C11orf65: variants seen among roughly 807,000 people sequenced by gnomAD.
The protein encoded by C11orf65 is chromosome 11 open reading frame 65, also known as protein MFI.
In C11orf65, 38 loss-of-function variants were observed where a neutral mutation model predicts 35.3. The observed-to-expected ratio is 1.08, with a 90% CI of 0.83 to 1.41. The LOEUF is 1.41. Ranked by LOEUF, C11orf65 falls within the 40% of genes most tolerant of loss-of-function variation. C11orf65 has a pLI of 0.00. For missense variants in C11orf65, 370 were observed against 367.1 expected (o/e 1.01, Z -0.06); for synonymous variants, 105 against 114.4 (o/e 0.92, Z 0.53).
intron 6 of C11orf65, among the ~76,000 whole-genome samples, chr11:108,323,656 G>A (rs916869995): frequency 7.2e-5 from 11 of 152,030 alleles, no homozygotes; most frequent in East Asian, 3.9e-4. Flanking sequence ...AATATCACAC[G>A]TACCTCATAA....
chr11:108,407,394 C>A (rs1415535478), intron 3 of C11orf65, among the ~76,000 whole-genome samples: 1 of 151,406 alleles, frequency 6.6e-6, no homozygotes, highest in African/African-American at 2.4e-5. Flanking sequence ...TCACTGCAGC[C>A]TTAACCTCCT....
intron 6 of C11orf65, chr11:108,310,151 T>C (rs1245118555): frequency 6.2e-7 from 1 of 1,611,738 alleles, no homozygotes; most frequent in Non-Finnish European, 8.5e-7. Flanking sequence ...ATATCTCATT[T>C]TTCTTTAGAC....
intron 2 of C11orf65, among the ~76,000 whole-genome samples, chr11:108,341,366 A>T (rs227072): frequency 2.6e-5 from 4 of 151,734 alleles, no homozygotes; most frequent in South Asian, 4.2e-4. Context: ...TTTAAACTTA[A>T]GTTTTGTTCT....
At chr11:108,367,626 T>C (rs2091402770) in intron 2 of C11orf65, 1 of 208,854 alleles carries the variant, frequency 4.8e-6, no homozygotes, top group Admixed American at 5.9e-5. Context: ...ATTTGGACCT[T>C]GAAGGTTATA....
chr11:108,385,362 G>T (rs530510570), intron 8 of C11orf65, among the ~76,000 whole-genome samples: 1 of 152,154 alleles, frequency 6.6e-6, no homozygotes, highest in African/African-American at 2.4e-5. Flanking sequence ...GTGTGCCACT[G>T]TGCCTGACCA....
chr11:108,431,754 G>T lies in C11orf65; in HGVS notation c.166C>A (p.Pro56Thr). The change falls in exon 3 of 9, where the codon CCC becomes ACC. Residue 56 changes from proline (P) to threonine (T), a missense_variant. Transcript: ENST00000393084. ...ATAAGTAATGTCCTTACCTCTTTGG[G>T]ATTAATATATTTCACTATCTGACGT... Reference protein sequence around the residue: ...EPRQIVKYINPKEAELLDAAA... With the variant: ...EPRQIVKYINTKEAELLDAAA... The T allele has an allele frequency of 6.8e-7, 1 of 1,477,138 alleles. No homozygotes were observed. The highest frequency in any genetic ancestry group is 9.2e-7 in the Non-Finnish European group (1 of 1,087,530). The allele number at this position is 1,477,138 out of a possible 1,614,324, so 91.5% of individuals were successfully genotyped here. A position where few individuals can be genotyped will look rare whatever the true frequency, so the allele number is the denominator to read the frequency against.
At chr11:108,328,126 C>A (rs4988113), downstream of C11orf65, among the ~76,000 whole-genome samples, 108 of 152,330 alleles carry the variant, frequency 7.1e-4, 3 homozygotes, top group South Asian at 0.012. Flanking sequence ...GTAAAGGCTT[C>A]AATATACTAG....
At chr11:108,422,902 C>T (rs1024584432) in intron 3 of C11orf65, among the ~76,000 whole-genome samples, 1 of 151,318 alleles carries the variant, frequency 6.6e-6, no homozygotes, top group African/African-American at 2.4e-5. Context: ...AAAAAGCTGG[C>T]CTGTACCTCA....
At chr11:108,346,538 C>T (rs73545033) in intron 2 of C11orf65, 1,598 of 151,556 alleles carry the variant, frequency 0.011, 20 homozygotes, top group African/African-American at 0.036. Flanking sequence ...CCCTCCATCA[C>T]TTACATACTA....
chr11:108,398,431 G>A (rs1223331410), intron 6 of C11orf65, among the ~76,000 whole-genome samples: 1 of 152,162 alleles, frequency 6.6e-6, no homozygotes, highest in African/African-American at 2.4e-5. Context: ...GAAATACTGA[G>A]AAGAAACAAC....
chr11:108,367,835 T>C (rs2091414328), intron 2 of C11orf65: 1 of 208,590 alleles, frequency 4.8e-6, no homozygotes. Context: ...CCTTGGTGTA[T>C]CTTTTTCTTA....
intron 2 of C11orf65, among the ~76,000 whole-genome samples, chr11:108,357,600 C>A (rs1363753355): frequency 1.3e-5 from 2 of 152,156 alleles, no homozygotes; most frequent in African/African-American, 4.8e-5. Flanking sequence ...GGAGATCGGA[C>A]AACAGGCAGA....
At chr11:108,339,698 TTCTG>T (rs1288543824) in intron 2 of C11orf65, among the ~76,000 whole-genome samples, 2 of 152,262 alleles carry the variant, frequency 1.3e-5, no homozygotes, top group Non-Finnish European at 1.5e-5. Flanking sequence ...ACCCATTCCT[TTCTG>T]TATCAATCTC....
At chr11:108,342,377 G>T (rs1016791409) in intron 2 of C11orf65, among the ~76,000 whole-genome samples, 1 of 152,130 alleles carries the variant, frequency 6.6e-6, no homozygotes, top group Non-Finnish European at 1.5e-5. Flanking sequence ...ACATAGTTAG[G>T]ATAAAATAGT....
In C11orf65 at chr11:108,336,256, A is replaced by T. The variant is rs989183758; in HGVS notation, c.227-964T>A. ...GGAGTTTGAGGCTGCAGTGAGCTCA[A>T]ACTCTGCAGTGAGCCCCAGTCCAGC... On this transcript the variant is annotated intron_variant, in intron 2 of 3. Coordinates refer to the C11orf65 transcript ENST00000524755. 8.8e-6 allele frequency: 3 copies of T among 339,746 alleles called. No individual in the cohort carries two copies. The Admixed American group carries it at 1.4e-4, about 16-fold the overall frequency. 21.0% of individuals were successfully genotyped at this position (339,746 alleles called of 1,614,324 possible). A position where few individuals can be genotyped will look rare whatever the true frequency, so the allele number is the denominator to read the frequency against.
chr11:108,468,574 A>G (rs2093560491), upstream of C11orf65, among the ~76,000 whole-genome samples: 1 of 152,226 alleles, frequency 6.6e-6, no homozygotes, highest in African/African-American at 2.4e-5. Flanking sequence ...ATTTCCCTGT[A>G]TAATGAAAAC....
At chr11:108,335,413 C>T (rs2086730853) in intron 2 of C11orf65, 3 of 669,660 alleles carry the variant, frequency 4.5e-6, no homozygotes, top group Admixed American at 3.3e-5. Flanking sequence ...TCTCTTATTT[C>T]CTTGAATAGT....
intron 2 of C11orf65, among the ~76,000 whole-genome samples, chr11:108,363,776 C>T (rs2091052412): frequency 6.6e-6 from 1 of 152,182 alleles, no homozygotes; most frequent in African/African-American, 2.4e-5. Flanking sequence ...CCAGTTCCTC[C>T]TTAATTCTAA....
At chr11:108,335,568 T>C (rs759467093) in intron 2 of C11orf65, among the ~76,000 whole-genome samples, 30 of 152,196 alleles carry the variant, frequency 2.0e-4, no homozygotes, top group Admixed American at 3.3e-4. Context: ...AAAGACACAG[T>C]GCTGTTTTAC....
Sources: gnomAD v4.1 joint callset for allele counts (sites outside exome capture counted in the v4.1 genomes callset) on GRCh38, gnomAD v4.1.1 for gene constraint, MANE v1.5 for transcripts, NCBI Gene and HGNC (gene_info 2026-07-23, HGNC 2026-07-21) for gene names.